The following ASIC2 variants were observed in gnomAD, a reference collection of about 807,000 sequenced individuals.
The protein encoded by ASIC2 is acid-sensing ion channel 2.
Under a neutral mutation model 57.3 loss-of-function variants are expected in ASIC2, and 25 were observed. The ratio of observed to expected loss-of-function variants is 0.44; its 90% CI spans 0.32 to 0.61. ASIC2 has a LOEUF of 0.61. Among genes scored for constraint, ASIC2 ranks in the 20% least tolerant of loss-of-function variants. The probability of loss-of-function intolerance (pLI) is 0.06; values close to 1 mark genes in which losing one functional copy is unlikely to be tolerated. For missense variants in ASIC2, 641 were observed against 738.1 expected (o/e 0.87, Z 1.52); for synonymous variants, 319 against 307.5 (o/e 1.04, Z -0.39).
intron 1 of ASIC2, among the ~76,000 whole-genome samples, chr17:33,739,438 A>C (rs1910026878): frequency 6.6e-6 from 1 of 152,262 alleles, no homozygotes; most frequent in African/African-American, 2.4e-5. Flanking sequence ...AATTTGTAGC[A>C]GGCCCTTGAC....
At chr17:33,167,474 T>C (rs571955512) in intron 1 of ASIC2, among the ~76,000 whole-genome samples, 70 of 152,228 alleles carry the variant, frequency 4.6e-4, no homozygotes, top group Non-Finnish European at 9.3e-4. Flanking sequence ...TTGAATTGTT[T>C]CTGCCCTGCC....
chr17:33,146,721 G>C (rs931056580), intron 1 of ASIC2, among the ~76,000 whole-genome samples: 1 of 152,232 alleles, frequency 6.6e-6, no homozygotes, highest in African/African-American at 2.4e-5. Context: ...GTCCTCATCT[G>C]CTCGACCTTG....
chr17:33,476,388 T>C (rs553918580), intron 1 of ASIC2, among the ~76,000 whole-genome samples: 1 of 152,128 alleles, frequency 6.6e-6, no homozygotes, highest in South Asian at 2.1e-4. Context: ...AACTTATTTA[T>C]CCACTTCCTT....
chr17:33,055,256 T>C (rs2091993213), intron 3 of ASIC2, among the ~76,000 whole-genome samples: 1 of 152,194 alleles, frequency 6.6e-6, no homozygotes, highest in South Asian at 2.1e-4. Flanking sequence ...TGTGCAGGAA[T>C]TCCTTGGGTG....
chr17:33,940,760 T>C (rs1916172957), intron 1 of ASIC2, among the ~76,000 whole-genome samples: 1 of 152,188 alleles, frequency 6.6e-6, no homozygotes, highest in Non-Finnish European at 1.5e-5. Context: ...ACAGAGTATT[T>C]TAAAGAACAC....
At chr17:33,579,565 T>C (rs1225600459) in intron 1 of ASIC2, among the ~76,000 whole-genome samples, 1 of 152,172 alleles carries the variant, frequency 6.6e-6, no homozygotes, top group Non-Finnish European at 1.5e-5. Context: ...GGGCAGACCC[T>C]ACTGGTGAGT....
intron 1 of ASIC2, among the ~76,000 whole-genome samples, chr17:33,240,085 C>T (rs1227171507): frequency 6.6e-6 from 1 of 152,122 alleles, no homozygotes; most frequent in Non-Finnish European, 1.5e-5. Context: ...AGTCTTCAAC[C>T]CAGGAGCCAA....
At chr17:33,151,312 TAC>T (rs2142029899) in intron 1 of ASIC2, among the ~76,000 whole-genome samples, 1 of 151,442 alleles carries the variant, frequency 6.6e-6, no homozygotes, top group Non-Finnish European at 1.5e-5. Flanking sequence ...AGGCTGAGGT[TAC>T]AGTGAGCCGA....
At chr17:33,716,660 G>T (rs893312062) in intron 1 of ASIC2, among the ~76,000 whole-genome samples, 1 of 151,950 alleles carries the variant, frequency 6.6e-6, no homozygotes, top group Non-Finnish European at 1.5e-5. Context: ...ACTCAGAATT[G>T]TTCTCTATAT....
At chr17:33,190,390 A>T (rs987460322) in intron 1 of ASIC2, among the ~76,000 whole-genome samples, 1 of 152,212 alleles carries the variant, frequency 6.6e-6, no homozygotes, top group Non-Finnish European at 1.5e-5. Context: ...GAAATTAAAG[A>T]TCACATATGT....
At chr17:33,244,789 G>A (rs1340237295) in intron 1 of ASIC2, among the ~76,000 whole-genome samples, 1 of 152,156 alleles carries the variant, frequency 6.6e-6, no homozygotes, top group African/African-American at 2.4e-5. Flanking sequence ...TTTTTCACTC[G>A]TTCAGCATCT....
At chr17:33,389,180 G>T (rs56248818) in intron 1 of ASIC2, among the ~76,000 whole-genome samples, 1 of 151,792 alleles carries the variant, frequency 6.6e-6, no homozygotes, top group African/African-American at 2.4e-5. Context: ...GGCTGGTCTC[G>T]AAATCCTGAG....
chr17:33,787,573 G>T (rs1331940478), intron 1 of ASIC2, among the ~76,000 whole-genome samples: 1 of 152,184 alleles, frequency 6.6e-6, no homozygotes, highest in African/African-American at 2.4e-5. Context: ...TCTAACAGGT[G>T]CCAAGGAATG....
chr17:33,697,156 G>A (rs1215340850), intron 1 of ASIC2, among the ~76,000 whole-genome samples: 1 of 152,148 alleles, frequency 6.6e-6, no homozygotes, highest in Non-Finnish European at 1.5e-5. Flanking sequence ...TGTTTCCTGA[G>A]GCCTCCCCAG....
chr17:33,456,474 C>T (rs1354844671), intron 1 of ASIC2, among the ~76,000 whole-genome samples: 2 of 152,126 alleles, frequency 1.3e-5, no homozygotes, highest in Non-Finnish European at 2.9e-5. Flanking sequence ...CGGAGCTCAT[C>T]CTTCAGTGAT....
Position 33,290,961 on chromosome 17 carries a change from CTTT to C in ASIC2, c.708+444_708+446del, listed in dbSNP as rs34352956. On this transcript the variant is annotated intron_variant, in intron 1 of 9. Transcript: ENST00000225823. ...TGATGATCCATTTTTCAAGCGCTTC[CTTT>C]TTTTTTTTTTTTTTTTTAAGAGCCG... 2.0e-3 allele frequency: 252 copies of C among 124,466 alleles called. 1 individual carries two copies. The highest frequency in any genetic ancestry group is 8.3e-3 in the Middle Eastern group (2 of 242). The allele number at this position is 124,466 out of a possible 1,614,324, so 7.7% of individuals were successfully genotyped here.
intron 1 of ASIC2, among the ~76,000 whole-genome samples, chr17:33,445,513 A>C (rs1392548086): frequency 6.6e-6 from 1 of 152,090 alleles, no homozygotes; most frequent in Non-Finnish European, 1.5e-5. Flanking sequence ...CAGCAGTGGC[A>C]CTCAGTACAA....
chr17:33,661,238 G>T (rs559937442), intron 1 of ASIC2, among the ~76,000 whole-genome samples: 1 of 152,222 alleles, frequency 6.6e-6, no homozygotes, highest in East Asian at 1.9e-4. Context: ...CTCGTGTCTC[G>T]CAAGCTACCA....
chr17:33,500,889 G>A (rs549461544), intron 1 of ASIC2, among the ~76,000 whole-genome samples: 1 of 152,240 alleles, frequency 6.6e-6, no homozygotes, highest in Non-Finnish European at 1.5e-5. Flanking sequence ...CTGGCCTGGT[G>A]TTCCTTGTAT....
Sources: gnomAD v4.1 joint callset for allele counts (sites outside exome capture counted in the v4.1 genomes callset) on GRCh38, gnomAD v4.1.1 for gene constraint, MANE v1.5 for transcripts, NCBI Gene and HGNC (gene_info 2026-07-23, HGNC 2026-07-21) for gene names.